Variants in BOLA3 observed in about 807,000 individuals in gnomAD.
BOLA3 encodes bolA-like protein 3.
Under a neutral mutation model 14.5 loss-of-function variants are expected in BOLA3, and 8 were observed. The ratio of observed to expected loss-of-function variants is 0.55; its 90% CI spans 0.32 to 0.99. The LOEUF (loss-of-function observed/expected upper bound fraction) is 0.99, where lower values mean the gene tolerates loss of function less well. BOLA3 is among the 50% of genes least tolerant of loss of function. The probability of loss-of-function intolerance (pLI) is 0.04; values close to 1 mark genes in which losing one functional copy is unlikely to be tolerated. For missense variants in BOLA3, 115 were observed against 138.2 expected (o/e 0.83, Z 0.84); for synonymous variants, 42 against 45.7 (o/e 0.92, Z 0.33).
rs1236275140 is a variant in BOLA3, at chr2:74,135,440, A to T, written c.*153T>A. On this transcript the variant is annotated 3_prime_UTR_variant, in exon 4 of 4. Coordinates refer to ENST00000327428, the MANE Select transcript of BOLA3 (RefSeq NM_212552.3). ...TTCAGTTGTTTGTTTCCTTTAATTA[A>T]CATCTAAATAGATTATACATCTTCT... The T allele has an allele frequency of 8.2e-7, 1 of 1,212,198 alleles. No individual in the cohort carries two copies. Among genetic ancestry groups the T allele is most frequent in the Non-Finnish European group, 1.2e-6 (1 of 833,398 alleles). The allele number at this position is 1,212,198 out of a possible 1,614,324, so 75.1% of individuals were successfully genotyped here. A position where few individuals can be genotyped will look rare whatever the true frequency, so the allele number is the denominator to read the frequency against.
intron 3 of BOLA3, among the ~76,000 whole-genome samples, chr2:74,138,758 G>C (rs557986544): frequency 2.0e-5 from 3 of 152,160 alleles, no homozygotes; most frequent in Non-Finnish European, 4.4e-5. Flanking sequence ...GAAAGAGGCC[G>C]GAGGCAGGGA....
Position 74,141,366 on chromosome 2 carries a change from A to T in BOLA3, c.258+906T>A, listed in dbSNP as rs146967543. 1.6e-4 allele frequency among the ~76,000 whole-genome samples: 25 copies of T among 152,212 alleles called. 1 individual carries two copies. In the East Asian group the frequency reaches 2.9e-3, roughly 18 times the overall value. ...ACAAGACGGAAAACACCGACAGCCAAAAAAGGGGGCCGGGGAGGGTGGGGG... is the reference window on the plus strand; with the variant it reads ...ACAAGACGGAAAACACCGACAGCCATAAAAGGGGGCCGGGGAGGGTGGGGG... On this transcript the variant is annotated intron_variant, in intron 3 of 3. Coordinates refer to ENST00000327428, the MANE Select transcript of BOLA3 (RefSeq NM_212552.3).
intron 1 of BOLA3, 116 bp downstream of exon 1, chr2:74,147,705 C>G: frequency 1.1e-6 from 1 of 933,978 alleles, no homozygotes; most frequent in Non-Finnish European, 1.7e-6. Context: ...CCCCCCATTG[C>G]CAGTGCCGCG....
At chr2:74,137,696 T>C (rs897889537) in intron 3 of BOLA3, among the ~76,000 whole-genome samples, 1 of 152,114 alleles carries the variant, frequency 6.6e-6, no homozygotes. Flanking sequence ...CTGGTTTCCA[T>C]CATGTTCCTG....
At chr2:74,144,029 A>C (rs1692495338) in intron 2 of BOLA3, among the ~76,000 whole-genome samples, 1 of 115,936 alleles carries the variant, frequency 8.6e-6, no homozygotes. Context: ...TTTTTGAGAC[A>C]CAGTCTCGCT....
intron 3 of BOLA3, among the ~76,000 whole-genome samples, chr2:74,137,249 T>G (rs1452427549): frequency 1.3e-5 from 2 of 152,196 alleles, no homozygotes; most frequent in Non-Finnish European, 2.9e-5. Flanking sequence ...GAATCTCCCT[T>G]GGGATTTCTG....
intron 1 of BOLA3, chr2:74,147,549 G>A: frequency 1.9e-6 from 1 of 540,270 alleles, no homozygotes; most frequent in Non-Finnish European, 3.3e-6. Context: ...GCAGTATTAT[G>A]ACTGTTCATG....
At chr2:74,138,179 A>C (rs898265681) in intron 3 of BOLA3, among the ~76,000 whole-genome samples, 3 of 152,204 alleles carry the variant, frequency 2.0e-5, no homozygotes, top group Non-Finnish European at 4.4e-5. Flanking sequence ...AGTTAAGGAA[A>C]CTGGGGCCCT....
At chr2:74,135,958 T>G (rs974654052) in intron 3 of BOLA3, among the ~76,000 whole-genome samples, 216 of 151,428 alleles carry the variant, frequency 1.4e-3, no homozygotes, top group African/African-American at 4.9e-3. Context: ...CTTTTTTTTT[T>G]TTTTTTTTTA....
intron 2 of BOLA3, among the ~76,000 whole-genome samples, chr2:74,142,709 G>A (rs767868938): frequency 4.6e-5 from 7 of 152,220 alleles, no homozygotes; most frequent in Non-Finnish European, 1.0e-4. Flanking sequence ...TGAGAAGGAC[G>A]GAATTTCAGC....
chr2:74,142,442 A>G, intron 2 of BOLA3, 82 bp from the exon 3 acceptor site: 3 of 1,042,992 alleles, frequency 2.9e-6, no homozygotes, highest in Non-Finnish European at 3.0e-6. Flanking sequence ...GTACTGTACA[A>G]TCCAAAGGTC....
intron 3 of BOLA3, among the ~76,000 whole-genome samples, chr2:74,139,278 A>C (rs1390495778): frequency 1.3e-5 from 2 of 152,152 alleles, no homozygotes. Context: ...ACCAGGATGA[A>C]CACTACTACG....
intron 2 of BOLA3, among the ~76,000 whole-genome samples, chr2:74,143,898 A>C: frequency 6.9e-6 from 1 of 145,230 alleles, no homozygotes; most frequent in South Asian, 2.2e-4. Context: ...GGGTTTCACC[A>C]TGTTGGCCAG....
intron 2 of BOLA3, among the ~76,000 whole-genome samples, chr2:74,144,874 A>T (rs1692515449): frequency 6.6e-6 from 1 of 152,166 alleles, no homozygotes; most frequent in South Asian, 2.1e-4. Flanking sequence ...ATTAGAGCAA[A>T]ACCTATTCAA....
chr2:74,143,221 T>C (rs1692479356), intron 2 of BOLA3, among the ~76,000 whole-genome samples: 1 of 152,068 alleles, frequency 6.6e-6, no homozygotes, highest in Non-Finnish European at 1.5e-5. Context: ...AGTGGCACGA[T>C]CTGGGCTCAC....
At chr2:74,144,342 T>A (rs768750273) in intron 2 of BOLA3, among the ~76,000 whole-genome samples, 1 of 152,202 alleles carries the variant, frequency 6.6e-6, no homozygotes, top group Non-Finnish European at 1.5e-5. Context: ...TTTCCTGTGG[T>A]TTCCAGAATA....
chr2:74,147,895 C>T lies in BOLA3; in HGVS notation c.-21G>A. On this transcript the variant is annotated 5_prime_UTR_variant, in exon 1 of 4. Transcript: ENST00000327428. ...GCCATGCCCGGCCGACGTGACCCGC[C>T]GCCCGAGGTCACTGTATGCCCGAAA... 6.6e-7 allele frequency: 1 copy of T among 1,512,738 alleles called. No individual in the cohort carries two copies. The highest frequency in any genetic ancestry group is 8.8e-7 in the Non-Finnish European group (1 of 1,137,946). The allele number at this position is 1,512,738 out of a possible 1,614,324, so 93.7% of individuals were successfully genotyped here.
intron 3 of BOLA3, among the ~76,000 whole-genome samples, chr2:74,141,479 T>C (rs995608099): frequency 6.6e-6 from 1 of 150,854 alleles, no homozygotes; most frequent in Admixed American, 6.6e-5. Context: ...AGGCAGAAGG[T>C]CCAATCTGGG....
intron 3 of BOLA3, among the ~76,000 whole-genome samples, chr2:74,141,294 G>C (rs905540795): frequency 2.0e-5 from 3 of 152,042 alleles, no homozygotes; most frequent in Non-Finnish European, 4.4e-5. Flanking sequence ...TCCACAAAGG[G>C]CTGACAGGTT....
Sources: gnomAD v4.1 joint callset for allele counts (sites outside exome capture counted in the v4.1 genomes callset) on GRCh38, gnomAD v4.1.1 for gene constraint, MANE v1.5 for transcripts, NCBI Gene and HGNC (gene_info 2026-07-23, HGNC 2026-07-21) for gene names.